The following SORCS2 variants were observed in gnomAD, a reference collection of about 807,000 sequenced individuals.
SORCS2 encodes VPS10 domain-containing receptor SorCS2.
SORCS2 carries 100 observed loss-of-function variants against 141.6 expected under a neutral mutation model. The observed-to-expected ratio is 0.71, with a 90% CI of 0.60 to 0.83. The LOEUF (loss-of-function observed/expected upper bound fraction) is 0.83, where lower values mean the gene tolerates loss of function less well. SORCS2 is among the 40% of genes least tolerant of loss of function. The pLI, the probability that SORCS2 is intolerant of heterozygous loss-of-function variation, is 0.00. For synonymous variants in SORCS2, 789 were observed against 676.9 expected, an observed-to-expected ratio of 1.17 and a Z score of -2.57; for missense variants, 1,646 against 1,560.2, an observed-to-expected ratio of 1.05 and a Z score of -0.93.
At chr4:7,540,241 T>C (rs1361216956) in intron 3 of SORCS2, among the ~76,000 whole-genome samples, 3 of 134,738 alleles carry the variant, frequency 2.2e-5, no homozygotes, top group African/African-American at 8.1e-5. Flanking sequence ...CCCCTGCCTC[T>C]CCTTCCTGCC....
chr4:7,657,172 T>C (rs992003858), intron 5 of SORCS2, among the ~76,000 whole-genome samples: 1 of 152,178 alleles, frequency 6.6e-6, no homozygotes, highest in African/African-American at 2.4e-5. Context: ...GCCAGTACAC[T>C]GAGAAATGGC....
chr4:7,217,704 G>A (rs1307093869), intron 1 of SORCS2, among the ~76,000 whole-genome samples: 1 of 152,186 alleles, frequency 6.6e-6, no homozygotes, highest in East Asian at 1.9e-4. Context: ...ATGTAGCTGT[G>A]TGTGGGGGTG....
chr4:7,361,458 C>T (rs1721573122), intron 1 of SORCS2, among the ~76,000 whole-genome samples: 1 of 152,188 alleles, frequency 6.6e-6, no homozygotes, highest in South Asian at 2.1e-4. Context: ...ACTTGGCAGC[C>T]CTGGCCTCAG....
In SORCS2 at chr4:7,740,195, C is replaced by G. The variant is rs927266749; in HGVS notation, c.3416-5C>G. 6 of 1,606,564 alleles carry G rather than the reference C, an allele frequency of 3.7e-6. No individual in the cohort carries two copies. The African/African-American group carries it at 8.0e-5, about 21-fold the overall frequency. On this transcript the variant is annotated splice_polypyrimidine_tract_variant and splice_region_variant and intron_variant, in intron 26 of 26. Coordinates refer to ENST00000507866, the MANE Select transcript of SORCS2 (RefSeq NM_020777.3). ...CACGGGACCTGCGTCTCTTCTGTTT[C>G]CTAGGCAACCACTCAGGCGTGGTCC...
At chr4:7,647,926 G>T (rs1001965683) in intron 4 of SORCS2, among the ~76,000 whole-genome samples, 2 of 152,256 alleles carry the variant, frequency 1.3e-5, no homozygotes, top group African/African-American at 4.8e-5. Flanking sequence ...TGCAGGACCG[G>T]CTAATTGGCA....
At chr4:7,475,081 G>T (rs1305158148) in intron 2 of SORCS2, among the ~76,000 whole-genome samples, 1 of 152,184 alleles carries the variant, frequency 6.6e-6, no homozygotes, top group African/African-American at 2.4e-5. Context: ...CAAAGACCCT[G>T]TTTCCATTTG....
At chr4:7,666,385 C>T (rs564275809) in intron 7 of SORCS2, among the ~76,000 whole-genome samples, 155 of 152,280 alleles carry the variant, frequency 1.0e-3, no homozygotes, top group Non-Finnish European at 1.9e-3. Flanking sequence ...TCCTGGTTTC[C>T]GTCATTCTCA....
At chr4:7,701,177 A>T (rs892056063) in intron 12 of SORCS2, among the ~76,000 whole-genome samples, 10 of 148,376 alleles carry the variant, frequency 6.7e-5, no homozygotes, top group African/African-American at 2.5e-4. Context: ...AACAGGAAGG[A>T]GAAAGGAGGA....
At chr4:7,505,755 T>A (rs1378574804) in intron 2 of SORCS2, among the ~76,000 whole-genome samples, 1 of 152,098 alleles carries the variant, frequency 6.6e-6, no homozygotes, top group Non-Finnish European at 1.5e-5. Flanking sequence ...AGCCTGGCCC[T>A]TCCTCTTCCT....
rs546089816 is a variant in SORCS2 at position 7,573,849 on chromosome 4, C to A, written c.648+42220C>A. ...TCCTTAACTTCAGGGGCTCCCCATG[C>A]AGGGTGAATTTCAAGTGGCTGTCCT... On this transcript the variant is annotated intron_variant, in intron 3 of 26. Coordinates refer to ENST00000507866, the MANE Select transcript of SORCS2 (RefSeq NM_020777.3). Among the ~76,000 whole-genome samples the A allele has an allele frequency of 2.2e-5, 3 of 136,252 alleles. No homozygotes were observed. In the East Asian group the frequency reaches 1.2e-3, roughly 56 times the overall value. 89.4% of individuals were successfully genotyped at this position (136,252 alleles called of 152,430 possible).
At chr4:7,312,188 T>C (rs1718228506) in intron 1 of SORCS2, among the ~76,000 whole-genome samples, 2 of 152,236 alleles carry the variant, frequency 1.3e-5, no homozygotes, top group African/African-American at 4.8e-5. Context: ...TTTTTCATTC[T>C]CTTAACGGTG....
chr4:7,505,275 G>T (rs1043976459), intron 2 of SORCS2, among the ~76,000 whole-genome samples: 4 of 152,232 alleles, frequency 2.6e-5, no homozygotes, highest in Non-Finnish European at 5.9e-5. Context: ...CAGTGGGGCA[G>T]CTGGGGCTTC....
chr4:7,722,889 T>C (rs1024141896), intron 18 of SORCS2, among the ~76,000 whole-genome samples: 1 of 152,136 alleles, frequency 6.6e-6, no homozygotes, highest in Non-Finnish European at 1.5e-5. Context: ...TCACGCTGTT[T>C]CCTCCATCAT....
At chr4:7,408,335 T>C (rs1402563564) in intron 2 of SORCS2, among the ~76,000 whole-genome samples, 1 of 152,136 alleles carries the variant, frequency 6.6e-6, no homozygotes, top group Non-Finnish European at 1.5e-5. Context: ...ACGATATCTG[T>C]CTTTCATATT....
At chr4:7,388,915 G>A (rs1723673254) in intron 1 of SORCS2, among the ~76,000 whole-genome samples, 2 of 152,110 alleles carry the variant, frequency 1.3e-5, no homozygotes, top group South Asian at 4.2e-4. Flanking sequence ...GTGGTGTTGT[G>A]GTGTTGTGGT....
chr4:7,652,674 C>T (rs1721519377), intron 4 of SORCS2, among the ~76,000 whole-genome samples: 1 of 152,132 alleles, frequency 6.6e-6, no homozygotes, highest in African/African-American at 2.4e-5. Context: ...CAGGCCCTGT[C>T]CTCCTCTCCA....
intron 1 of SORCS2, among the ~76,000 whole-genome samples, chr4:7,260,171 G>C (rs1714223094): frequency 6.6e-6 from 1 of 152,228 alleles, no homozygotes; most frequent in Non-Finnish European, 1.5e-5. Flanking sequence ...TTCCCTGTGG[G>C]TGTCAGGGGA....
chr4:7,289,976 C>T (rs1476630375), intron 1 of SORCS2, among the ~76,000 whole-genome samples: 3 of 152,188 alleles, frequency 2.0e-5, no homozygotes, highest in African/African-American at 7.2e-5. Context: ...CCTGAAAAGC[C>T]ATCCTCTGAG....
intron 2 of SORCS2, among the ~76,000 whole-genome samples, chr4:7,466,315 C>G (rs1304781110): frequency 1.3e-5 from 2 of 152,154 alleles, no homozygotes; most frequent in African/African-American, 4.8e-5. Context: ...CAAGGAGAGG[C>G]TGGCGGGATT....
Sources: gnomAD v4.1 joint callset for allele counts (sites outside exome capture counted in the v4.1 genomes callset) on GRCh38, gnomAD v4.1.1 for gene constraint, MANE v1.5 for transcripts, NCBI Gene and HGNC (gene_info 2026-07-23, HGNC 2026-07-21) for gene names.